CXCL6: variants seen among roughly 807,000 people sequenced by gnomAD.
CXCL6 encodes the protein C-X-C motif chemokine ligand 6, also known as C-X-C motif chemokine 6.
A neutral mutation model predicts 10.5 loss-of-function variants in CXCL6; 18 were observed. The observed-to-expected ratio is 1.71, with a 90% CI of 1.18 to 2.54. The LOEUF (loss-of-function observed/expected upper bound fraction) is 2.54. CXCL6 is among the 30% of genes most tolerant of loss of function. CXCL6 has a pLI of 0.00. For synonymous variants in CXCL6, 82 were observed against 68.3 expected (o/e 1.20, Z -0.99); for missense variants, 171 against 145.7 (o/e 1.17, Z -0.90).
chr4:73,837,725 A>C lies in CXCL6; in HGVS notation c.*84A>C. The C allele has an allele frequency of 8.3e-7, 1 of 1,206,326 alleles. No homozygotes were observed. The highest frequency in any genetic ancestry group is 1.1e-6 in the Non-Finnish European group (1 of 875,556). The allele number at this position is 1,206,326 out of a possible 1,614,324, so 74.7% of individuals were successfully genotyped here. A position where few individuals can be genotyped will look rare whatever the true frequency, so the allele number is the denominator to read the frequency against. On this transcript the variant is annotated 3_prime_UTR_variant, in exon 4 of 4. Transcript: ENST00000226317. ...GAGATCCCTGGACCCAGTAAGAATAAGAAGGAAGGGTTGGTTTTTTTCCAT... is the reference window on the plus strand; with the variant it reads ...GAGATCCCTGGACCCAGTAAGAATACGAAGGAAGGGTTGGTTTTTTTCCAT...
chr4:73,837,863 A>G lies in CXCL6; in HGVS notation c.*222A>G, dbSNP rs901415995. 14 of 405,040 alleles carry G rather than the reference A, an allele frequency of 3.5e-5. No individual in the cohort carries two copies. The Admixed American group carries it at 3.6e-4, about 10-fold the overall frequency. The allele number at this position is 405,040 out of a possible 1,614,324, so 25.1% of individuals were successfully genotyped here. On this transcript the variant is annotated 3_prime_UTR_variant, in exon 4 of 4. Coordinates refer to ENST00000226317, the MANE Select transcript of CXCL6 (RefSeq NM_002993.4). ...TATAGTATTTCCACTATTTACTGTTATTTTACCTGATAAGTTATTGAACCC... is the reference window on the plus strand; with the variant it reads ...TATAGTATTTCCACTATTTACTGTTGTTTTACCTGATAAGTTATTGAACCC...
chr4:73,836,785 C>A lies in CXCL6; in HGVS notation c.35C>A (p.Pro12Gln), dbSNP rs747964724. 3 of 1,611,726 alleles carry A rather than the reference C, an allele frequency of 1.9e-6. No individual in the cohort carries two copies. The highest frequency in any genetic ancestry group is 2.5e-6 in the Non-Finnish European group (3 of 1,179,356). Reference sequence around the variant, plus strand: ...CCGTCCAGCCGCGCGGCCCGTGTCCCGGGTCCTTCGGGCTCCTTGTGCGCG... The same window carrying A: ...CCGTCCAGCCGCGCGGCCCGTGTCCAGGGTCCTTCGGGCTCCTTGTGCGCG... ...SLPSSRAARVPGPSGSLCALL... is the reference protein window; with the variant it reads ...SLPSSRAARVQGPSGSLCALL... Residue 12 changes from proline to glutamine, a missense_variant, in exon 1 of 4, where the codon CCG becomes CAG. Transcript: ENST00000226317.
chr4:73,837,799 T>G lies in CXCL6; in HGVS notation c.*158T>G, dbSNP rs1731138904. ...GAAGAGTGTGGGGGAAAGCCTACGC[T>G]TCTCCCTGAAGTTTACAGCTCAGCT... On this transcript the variant is annotated 3_prime_UTR_variant, in exon 4 of 4. Transcript: ENST00000226317. The G allele has an allele frequency of 5.6e-6, 3 of 536,312 alleles. No homozygotes were observed. Among genetic ancestry groups the G allele is most frequent in the South Asian group, 7.5e-5 (2 of 26,590 alleles). 33.2% of individuals were successfully genotyped at this position (536,312 alleles called of 1,614,324 possible).
At position 73,837,042 on chromosome 4, in the gene CXCL6, T is replaced by A; in HGVS notation, c.188T>A (p.Ile63Asn). Reference sequence around the variant, plus strand: ...ACGCTGAGAGTAAACCCCAAAACGATTGGTAAACTGCAGGTGTTCCCCGCA... The same window carrying A: ...ACGCTGAGAGTAAACCCCAAAACGAATGGTAAACTGCAGGTGTTCCCCGCA... Reference protein sequence around the residue: ...RVTLRVNPKTIGKLQVFPAGP... With the variant: ...RVTLRVNPKTNGKLQVFPAGP... Residue 63 changes from isoleucine to asparagine, a missense_variant, in exon 2 of 4, where the codon ATT becomes AAT. Transcript: ENST00000226317. The A allele has an allele frequency of 6.2e-7, 1 of 1,613,984 alleles. No homozygotes were observed.
chr4:73,836,873 G>A lies in CXCL6; in HGVS notation c.109+14G>A. ...CCCTCGCCAGCGGTGAGAGCTCCTG[G>A]CACTGGGGTGCATCCCAGCCTCTGC... On this transcript the variant is annotated intron_variant, in intron 1 of 3. Transcript: ENST00000226317. 1 of 1,611,934 alleles carries A rather than the reference G, an allele frequency of 6.2e-7. No homozygotes were observed. Among genetic ancestry groups the A allele is most frequent in the Non-Finnish European group, 8.5e-7 (1 of 1,178,906 alleles).
In CXCL6 at chr4:73,837,651, A is replaced by C. The variant is rs1731134596; in HGVS notation, c.*10A>C. On this transcript the variant is annotated 3_prime_UTR_variant, in exon 4 of 4. Coordinates refer to ENST00000226317, the MANE Select transcript of CXCL6 (RefSeq NM_002993.4). ...AAACAAGAAAAACTGAGTAACAAAA[A>C]AGACCATGCATCATAAAATTGCCCA... is the stretch of plus-strand genomic sequence containing the variant. 3 of 1,553,042 alleles carry C rather than the reference A, an allele frequency of 1.9e-6. No individual in the cohort carries two copies. The East Asian group carries it at 7.2e-5, about 37-fold the overall frequency.
rs1429616606 is a variant in CXCL6, at chr4:73,837,219, G to C, written c.259G>C (p.Gly87Arg). The C allele has an allele frequency of 1.9e-6, 3 of 1,614,066 alleles. No individual in the cohort carries two copies. The highest frequency in any genetic ancestry group is 2.5e-6 in the Non-Finnish European group (3 of 1,180,020). Residue 87 changes from glycine (G) to arginine (R), a missense_variant, in exon 3 of 4, where the codon GGG becomes CGG. By Grantham distance (125) the Gly-to-Arg change is moderately radical. Transcript: ENST00000226317. ...KVEVVASLKNGKQVCLDPEAP... is the reference protein window; with the variant it reads ...KVEVVASLKNRKQVCLDPEAP... ...TTACTTCAGAGCCTCCCTGAAGAACGGGAAGCAAGTTTGTCTGGACCCGGA... is the reference window on the plus strand; with the variant it reads ...TTACTTCAGAGCCTCCCTGAAGAACCGGAAGCAAGTTTGTCTGGACCCGGA...
chr4:73,837,123 A>G (rs995618006), intron 2 of CXCL6, 27 bp downstream of exon 2: 14 of 1,613,074 alleles, frequency 8.7e-6, no homozygotes, highest in African/African-American at 1.3e-5. Flanking sequence ...TGCTGTGTCC[A>G]CTGTGACTTA....
Position 73,837,780 on chromosome 4 carries a change from T to A in CXCL6, c.*139T>A. ...TACATGGATTCCCTACTTTGAAGAG[T>A]GTGGGGGAAAGCCTACGCTTCTCCC... On this transcript the variant is annotated 3_prime_UTR_variant, in exon 4 of 4. Coordinates refer to ENST00000226317, the MANE Select transcript of CXCL6 (RefSeq NM_002993.4). 1.6e-6 allele frequency: 1 copy of A among 642,022 alleles called. No individual in the cohort carries two copies. The highest frequency in any genetic ancestry group is 2.8e-5 in the South Asian group (1 of 36,096). The allele number at this position is 642,022 out of a possible 1,614,324, so 39.8% of individuals were successfully genotyped here.
rs764229919 is a variant in CXCL6, at chr4:73,836,804, G to T, written c.54G>T (p.Leu18Phe). ...AARVPGPSGSLCALLALLLLL... is the reference protein window; with the variant it reads ...AARVPGPSGSFCALLALLLLL... Reference sequence around the variant, plus strand: ...GTGTCCCGGGTCCTTCGGGCTCCTTGTGCGCGCTGCTCGCGCTGCTGCTCC... The same window carrying T: ...GTGTCCCGGGTCCTTCGGGCTCCTTTTGCGCGCTGCTCGCGCTGCTGCTCC... The change falls in exon 1 of 4, where the codon TTG (leucine) becomes TTT (phenylalanine). Residue 18 changes from leucine (L) to phenylalanine (F), a missense_variant. Leu to Phe is a conservative substitution (Grantham distance 22). Coordinates refer to ENST00000226317, the MANE Select transcript of CXCL6 (RefSeq NM_002993.4). 11 of 1,612,270 alleles carry T rather than the reference G, an allele frequency of 6.8e-6. No homozygotes were observed. In the South Asian group the frequency reaches 1.2e-4, roughly 18 times the overall value.
rs1341720276 is a variant in CXCL6 at position 73,836,707 on chromosome 4, G to C, written c.-44G>C. ...GTGCTCTGTATCCTCCAGTCTCCGC[G>C]CCTCCACCCAGCTCAGGAACCCGCG... is the stretch of plus-strand genomic sequence containing the variant. On this transcript the variant is annotated 5_prime_UTR_variant, in exon 1 of 4. Coordinates refer to ENST00000226317, the MANE Select transcript of CXCL6 (RefSeq NM_002993.4). 2.0e-6 allele frequency: 3 copies of C among 1,520,022 alleles called. No individual in the cohort carries two copies. Among genetic ancestry groups the C allele is most frequent in the Non-Finnish European group, 2.7e-6 (3 of 1,112,974 alleles). 94.2% of individuals were successfully genotyped at this position (1,520,022 alleles called of 1,614,324 possible).
Position 73,836,824 on chromosome 4 carries a change from T to A in CXCL6, c.74T>A (p.Leu25Gln). Residue 25 changes from leucine to glutamine, a missense_variant, in exon 1 of 4, where the codon CTG becomes CAG. Physicochemically the swap from Leu to Gln is moderately radical, Grantham distance 113. Coordinates refer to ENST00000226317, the MANE Select transcript of CXCL6 (RefSeq NM_002993.4). ...SGSLCALLAL[L>Q]LLLTPPGPLA... Reference sequence around the variant, plus strand: ...TCCTTGTGCGCGCTGCTCGCGCTGCTGCTCCTGCTGACGCCGCCGGGGCCC... The same window carrying A: ...TCCTTGTGCGCGCTGCTCGCGCTGCAGCTCCTGCTGACGCCGCCGGGGCCC... 6.2e-7 allele frequency: 1 copy of A among 1,612,380 alleles called. No homozygotes were observed.
rs944057245 is a variant in CXCL6 at position 73,837,011 on chromosome 4, C to T, written c.157C>T (p.Arg53Cys). Residue 53 changes from arginine to cysteine, a missense_variant, in exon 2 of 4, where the codon CGC (arginine) becomes TGC (cysteine). Arg to Cys is a radical substitution (Grantham distance 180). Coordinates refer to ENST00000226317, the MANE Select transcript of CXCL6 (RefSeq NM_002993.4). ...GACAGAGCTGCGTTGCACTTGTTTA[C>T]GCGTTACGCTGAGAGTAAACCCCAA... is the stretch of plus-strand genomic sequence containing the variant. Reference protein sequence around the residue: ...VLTELRCTCLRVTLRVNPKTI... With the variant: ...VLTELRCTCLCVTLRVNPKTI... 3.1e-6 allele frequency: 5 copies of T among 1,613,490 alleles called. No individual in the cohort carries two copies. The highest frequency in any genetic ancestry group is 4.2e-6 in the Non-Finnish European group (5 of 1,179,688).
rs927348434 is a variant in CXCL6, at chr4:73,838,251, G to A, written c.*610G>A. ...TTTCTAAAAATTTAAGTTCTGTAAG[G>A]GCTAATATATTCTCTTCCTATGGTT... On this transcript the variant is annotated 3_prime_UTR_variant, in exon 4 of 4. Transcript: ENST00000226317. The A allele has an allele frequency of 6.6e-6, 1 of 152,036 alleles. No individual in the cohort carries two copies. Among genetic ancestry groups the A allele is most frequent in the Non-Finnish European group, 1.5e-5 (1 of 68,006 alleles). 9.4% of individuals were successfully genotyped at this position (152,036 alleles called of 1,614,324 possible). A position where few individuals can be genotyped will look rare whatever the true frequency, so the allele number is the denominator to read the frequency against.
At position 73,837,074 on chromosome 4, in the gene CXCL6, C is replaced by A. The variant is rs149811429; in HGVS notation, c.220C>A (p.Gln74Lys). The change falls in exon 2 of 4, where the codon CAG becomes AAG. Residue 74 changes from glutamine (Q) to lysine (K), a missense_variant. Physicochemically the swap from Gln to Lys is moderately conservative, Grantham distance 53. Transcript: ENST00000226317. ...ACTGCAGGTGTTCCCCGCAGGCCCG[C>A]AGTGCTCCAAGGTGGAAGTGGTGTA... ...GKLQVFPAGP[Q>K]CSKVEVVASL... is the part of the protein sequence containing the mutation. 2.2e-5 allele frequency: 36 copies of A among 1,613,460 alleles called. No homozygotes were observed. The highest frequency in any genetic ancestry group is 3.0e-5 in the Non-Finnish European group (35 of 1,179,700).
In CXCL6 at chr4:73,836,762, G is replaced by A. The variant is rs1731109830; in HGVS notation, c.12G>A (p.Pro4=). 1 of 1,610,162 alleles carries A rather than the reference G, an allele frequency of 6.2e-7. No homozygotes were observed. Among genetic ancestry groups the A allele is most frequent in the Non-Finnish European group, 8.5e-7 (1 of 1,178,770 alleles). The change falls in exon 1 of 4, where the codon CCG becomes CCA. Residue 4 remains proline (P), a synonymous_variant. Transcript: ENST00000226317. MSL[P]SSRAARVPGP... ...CTCTCTTGACCACTATGAGCCTCCCGTCCAGCCGCGCGGCCCGTGTCCCGG... is the reference window on the plus strand; with the variant it reads ...CTCTCTTGACCACTATGAGCCTCCCATCCAGCCGCGCGGCCCGTGTCCCGG...
Position 73,837,069 on chromosome 4 carries a change from G to T in CXCL6, c.215G>T (p.Gly72Val). The stretch of plus-strand genomic sequence containing the variant: ...GGTAAACTGCAGGTGTTCCCCGCAG[G>T]CCCGCAGTGCTCCAAGGTGGAAGTG... ...TIGKLQVFPAGPQCSKVEVVA... is the reference protein window; with the variant it reads ...TIGKLQVFPAVPQCSKVEVVA... Residue 72 changes from glycine (G) to valine (V), a missense_variant, in exon 2 of 4, where the codon GGC becomes GTC. By Grantham distance (109) the Gly-to-Val change is moderately radical (BLOSUM62 -3). Coordinates refer to ENST00000226317, the MANE Select transcript of CXCL6 (RefSeq NM_002993.4). 5.0e-6 allele frequency: 8 copies of T among 1,613,742 alleles called. No individual in the cohort carries two copies. The highest frequency in any genetic ancestry group is 6.8e-6 in the Non-Finnish European group (8 of 1,179,804).
At chr4:73,837,408 G>C in intron 3 of CXCL6, 122 bp downstream of exon 3, 1 of 1,126,608 alleles carries the variant, frequency 8.9e-7, no homozygotes, top group South Asian at 1.4e-5. Flanking sequence ...TTGTTAAGAA[G>C]AATAAGGAAA....
In CXCL6 at chr4:73,836,749, C is replaced by T; in HGVS notation, c.-2C>T. The T allele has an allele frequency of 6.2e-7, 1 of 1,608,466 alleles. No individual in the cohort carries two copies. The highest frequency in any genetic ancestry group is 1.7e-5 in the Admixed American group (1 of 59,492). ...GAACCCGCGAACCCTCTCTTGACCA[C>T]TATGAGCCTCCCGTCCAGCCGCGCG... On this transcript the variant is annotated 5_prime_UTR_variant, in exon 1 of 4. Transcript: ENST00000226317.
Sources: gnomAD v4.1 joint callset for allele counts on GRCh38, gnomAD v4.1.1 for gene constraint, MANE v1.5 for transcripts, NCBI Gene and HGNC (gene_info 2026-07-23, HGNC 2026-07-21) for gene names.